Variants in TMEM248 observed in about 807,000 individuals in gnomAD.
TMEM248 encodes the protein transmembrane protein 248.
In TMEM248, 9 loss-of-function variants were observed where a neutral mutation model predicts 30.3. The observed-to-expected ratio is 0.30, with a 90% CI of 0.18 to 0.52. TMEM248 has a LOEUF of 0.52. Among genes scored for constraint, TMEM248 ranks in the 20% least tolerant of loss-of-function variants. The probability of loss-of-function intolerance (pLI) is 0.97; values close to 1 mark genes in which losing one functional copy is unlikely to be tolerated. For missense variants in TMEM248, 338 were observed against 403.3 expected (o/e 0.84, Z 1.39); for synonymous variants, 184 against 154.4 (o/e 1.19, Z -1.42).
chr7:66,949,101 G>GACC (rs1218596878), intron 4 of TMEM248, among the ~76,000 whole-genome samples: 2 of 145,632 alleles, frequency 1.4e-5, no homozygotes, highest in Non-Finnish European at 3.0e-5. Flanking sequence ...CGGAGTTCAA[G>GACC]ACCAGCCTGG....
rs1265218308 is a variant in TMEM248 at position 66,957,640 on chromosome 7, A to G, written c.*2118A>G. On this transcript the variant is annotated 3_prime_UTR_variant, in exon 7 of 7. Coordinates refer to ENST00000341567, the MANE Select transcript of TMEM248 (RefSeq NM_017994.5). ...ATCCCAATGAAGCAGAGTTATAGGG[A>G]TAGATTTATAGCTGGCAGAGTGGTA... 1 of 152,230 alleles carries G rather than the reference A, an allele frequency of 6.6e-6. No homozygotes were observed. Among genetic ancestry groups the G allele is most frequent in the African/African-American group, 2.4e-5 (1 of 41,462 alleles). The allele number at this position is 152,230 out of a possible 1,614,324, so 9.4% of individuals were successfully genotyped here.
chr7:66,933,694 A>G (rs1008020437), intron 1 of TMEM248, among the ~76,000 whole-genome samples: 7 of 152,200 alleles, frequency 4.6e-5, no homozygotes, highest in Admixed American at 3.3e-4. Context: ...GCTTGCTTAC[A>G]GTGCCGTCTG....
At chr7:66,942,100 G>C in intron 2 of TMEM248, 76 bp downstream of exon 2, 1 of 1,478,508 alleles carries the variant, frequency 6.8e-7, no homozygotes, top group Non-Finnish European at 9.1e-7. Flanking sequence ...TTGCCATATA[G>C]CTTTCTTGGG....
intron 1 of TMEM248, among the ~76,000 whole-genome samples, chr7:66,923,532 G>A (rs1190962317): frequency 6.6e-6 from 1 of 152,182 alleles, no homozygotes; most frequent in African/African-American, 2.4e-5. Flanking sequence ...AAAAACTAGG[G>A]CCAGTTGGTG....
rs58621969 is a variant in TMEM248, at chr7:66,944,084, C to T, written c.160-892C>T. Among the ~76,000 whole-genome samples, 354 of 148,996 alleles carry T rather than the reference C, an allele frequency of 2.4e-3. 1 individual carries two copies. The highest frequency in any genetic ancestry group is 8.4e-3 in the African/African-American group (341 of 40,622). ...TGCTGGGATTACAGGCGTGAACTAC[C>T]GTACCTGGCCTCAGATGGCTTTTTT... On this transcript the variant is annotated intron_variant, in intron 2 of 6. Coordinates refer to ENST00000341567, the MANE Select transcript of TMEM248 (RefSeq NM_017994.5).
intron 6 of TMEM248, among the ~76,000 whole-genome samples, chr7:66,954,224 G>A (rs1422420953): frequency 2.6e-5 from 4 of 152,004 alleles, no homozygotes; most frequent in Non-Finnish European, 5.9e-5. Flanking sequence ...GATCACAGGC[G>A]TGAGCCACTG....
chr7:66,932,517 C>CT (rs375755080), intron 1 of TMEM248, among the ~76,000 whole-genome samples: 13,012 of 142,856 alleles, frequency 0.091, 679 homozygotes, highest in Non-Finnish European at 0.11. Context: ...TCCCTGAGAA[C>CT]TTTTTTTTTT....
intron 1 of TMEM248, among the ~76,000 whole-genome samples, chr7:66,940,318 A>G (rs1217056519): frequency 1.3e-5 from 2 of 152,208 alleles, no homozygotes; most frequent in African/African-American, 2.4e-5. Flanking sequence ...GGCAGATACA[A>G]AATTCTTCAG....
intron 4 of TMEM248, among the ~76,000 whole-genome samples, chr7:66,950,185 C>T (rs6959815): frequency 0.061 from 9,171 of 150,366 alleles, 388 homozygotes; most frequent in South Asian, 0.13. Context: ...GAGGTCACAC[C>T]GGCCTGGGCA....
At position 66,950,987 on chromosome 7, in the gene TMEM248, A is replaced by G. The variant is rs1030916301; in HGVS notation, c.632A>G (p.Asn211Ser). ...CACTGTGTTCCTGACACGTACAGCA[A>G]CGCCACGCTCTGGTACAAGATCTTC... is the stretch of plus-strand genomic sequence containing the variant. ...PPHCVPDTYS[N>S]ATLWYKIFTT... The change falls in exon 5 of 7, where the codon AAC (asparagine) becomes AGC (serine). Residue 211 changes from asparagine to serine, a missense_variant. Coordinates refer to ENST00000341567, the MANE Select transcript of TMEM248 (RefSeq NM_017994.5). 1.9e-6 allele frequency: 3 copies of G among 1,608,700 alleles called. No homozygotes were observed. Among genetic ancestry groups the G allele is most frequent in the South Asian group, 1.1e-5 (1 of 90,176 alleles).
At chr7:66,925,604 A>G (rs1190749508) in intron 1 of TMEM248, among the ~76,000 whole-genome samples, 1 of 152,122 alleles carries the variant, frequency 6.6e-6, no homozygotes, top group Admixed American at 6.6e-5. Flanking sequence ...GTGAACAGAC[A>G]TCTCTTTGAC....
In TMEM248 at chr7:66,921,235, C is replaced by T. The variant is rs1262130428; in HGVS notation, c.-245C>T. 2.7e-5 allele frequency: 4 copies of T among 150,804 alleles called. No individual in the cohort carries two copies. The highest frequency in any genetic ancestry group is 9.7e-5 in the African/African-American group (4 of 41,186). The allele number at this position is 150,804 out of a possible 1,614,324, so 9.3% of individuals were successfully genotyped here. A position where few individuals can be genotyped will look rare whatever the true frequency, so the allele number is the denominator to read the frequency against. On this transcript the variant is annotated 5_prime_UTR_variant, in exon 1 of 7. Coordinates refer to ENST00000341567, the MANE Select transcript of TMEM248 (RefSeq NM_017994.5). ...TTTTTTTTTTTTTTCACCCGGAAAC[C>T]GCGGTTGCCGGAGCCCGAACTGAGG...
intron 6 of TMEM248, among the ~76,000 whole-genome samples, chr7:66,954,241 G>C (rs1390713539): frequency 6.6e-6 from 1 of 152,104 alleles, no homozygotes; most frequent in African/African-American, 2.4e-5. Flanking sequence ...ACTGGGCCCA[G>C]CTTCTAGGTT....
intron 5 of TMEM248, 107 bp from the exon 6 acceptor site, chr7:66,953,119 T>C (rs747426801): frequency 7.9e-7 from 1 of 1,270,480 alleles, no homozygotes; most frequent in Non-Finnish European, 1.1e-6. Context: ...AGAAGAAAAG[T>C]TGTGGCAAGT....
intron 5 of TMEM248, 60 bp downstream of exon 5, chr7:66,951,195 T>C: frequency 6.9e-7 from 1 of 1,453,330 alleles, no homozygotes; most frequent in African/African-American, 1.4e-5. Context: ...TGTGTGCGCA[T>C]GTGCTGCAAC....
intron 2 of TMEM248, 30 bp from the exon 3 acceptor site, chr7:66,944,946 C>T (rs1262916880): frequency 6.2e-7 from 1 of 1,611,534 alleles, no homozygotes; most frequent in Admixed American, 1.7e-5. Flanking sequence ...CTGCTTAACA[C>T]CCATTTCTCT....
intron 5 of TMEM248, 119 bp downstream of exon 5, chr7:66,951,254 A>C (rs1273380651): frequency 1.1e-6 from 1 of 940,676 alleles, no homozygotes; most frequent in East Asian, 3.2e-5. Flanking sequence ...ATCCTCTGCC[A>C]CTTTAGATTT....
chr7:66,925,776 A>G (rs1562935739), intron 1 of TMEM248, among the ~76,000 whole-genome samples: 1 of 148,226 alleles, frequency 6.7e-6, no homozygotes, highest in Non-Finnish European at 1.5e-5. Flanking sequence ...CGAGTAGCTG[A>G]GATTACAGGT....
At chr7:66,947,082 G>A (rs1219070377) in intron 3 of TMEM248, among the ~76,000 whole-genome samples, 1 of 151,814 alleles carries the variant, frequency 6.6e-6, no homozygotes, top group African/African-American at 2.4e-5. Flanking sequence ...AGGTGTTGTG[G>A]CGTGCACCTG....
Sources: allele counts gnomAD v4.1 joint callset (sites outside exome capture counted in the v4.1 genomes callset), GRCh38; gene constraint gnomAD v4.1.1; transcripts MANE v1.5; gene names NCBI Gene and HGNC (gene_info 2026-07-23, HGNC 2026-07-21).